The following KYNU variants were observed in gnomAD, a reference collection of about 807,000 sequenced individuals.
KYNU encodes kynureninase.
In KYNU, 54 loss-of-function variants were observed where a neutral mutation model predicts 59.2. That is an observed-to-expected ratio of 0.91 (90% CI 0.73 to 1.14). The LOEUF (loss-of-function observed/expected upper bound fraction) is 1.14, where lower values mean the gene tolerates loss of function less well. KYNU is among the 50% of genes most tolerant of loss of function. The pLI is 0.00. For synonymous variants in KYNU, 177 were observed against 192.0 expected (o/e 0.92, Z 0.65); for missense variants, 567 against 554.4 (o/e 1.02, Z -0.23).
At chr2:143,002,681 T>G (rs1573888793) in intron 10 of KYNU, among the ~76,000 whole-genome samples, 1 of 152,242 alleles carries the variant, frequency 6.6e-6, no homozygotes, top group Non-Finnish European at 1.5e-5. Context: ...GATTTTTGTT[T>G]TGATCCCATT....
In KYNU at chr2:142,937,522, C is replaced by T. The variant is rs934615628; in HGVS notation, c.373+9781C>T. On this transcript the variant is annotated intron_variant, in intron 4 of 13. Transcript: ENST00000264170. Reference sequence around the variant, plus strand: ...AAATCATGAGCCAAACTAAATTTAACGGAGTTTAATTGAGCAAAGAACAAA... The same window carrying T: ...AAATCATGAGCCAAACTAAATTTAATGGAGTTTAATTGAGCAAAGAACAAA... Among the ~76,000 whole-genome samples, 106 of 152,150 alleles carry T rather than the reference C, an allele frequency of 7.0e-4. 2 individuals are homozygous for T. Among genetic ancestry groups the T allele is most frequent in the Admixed American group, 1.3e-3 (20 of 15,282 alleles).
At chr2:142,992,966 G>C (rs1223494716) in intron 10 of KYNU, among the ~76,000 whole-genome samples, 2 of 151,984 alleles carry the variant, frequency 1.3e-5, no homozygotes, top group Admixed American at 1.3e-4. Context: ...TTAATTACTG[G>C]GTGAATTCTC....
chr2:142,996,277 T>C (rs913468731), intron 10 of KYNU, among the ~76,000 whole-genome samples: 3 of 152,104 alleles, frequency 2.0e-5, no homozygotes, highest in African/African-American at 7.2e-5. Flanking sequence ...GATAGATGAA[T>C]AGAGCTTGGA....
intron 2 of KYNU, among the ~76,000 whole-genome samples, chr2:142,896,739 G>C (rs999649325): frequency 9.2e-5 from 14 of 152,008 alleles, no homozygotes; most frequent in African/African-American, 3.4e-4. Flanking sequence ...CTCCCACTTT[G>C]ACCTCCCAAG....
intron 10 of KYNU, among the ~76,000 whole-genome samples, chr2:142,994,940 C>T (rs1166706292): frequency 6.6e-6 from 1 of 151,970 alleles, no homozygotes; most frequent in East Asian, 1.9e-4. Flanking sequence ...CTATGAAGAC[C>T]AAATATATCC....
chr2:142,907,624 G>C (rs1055283524), intron 2 of KYNU, among the ~76,000 whole-genome samples: 2 of 152,188 alleles, frequency 1.3e-5, no homozygotes, highest in South Asian at 2.1e-4. Context: ...CAATGGGAGG[G>C]GACCCAAAGG....
intron 10 of KYNU, among the ~76,000 whole-genome samples, chr2:143,014,734 A>C (rs991299034): frequency 6.6e-6 from 1 of 152,252 alleles, no homozygotes; most frequent in African/African-American, 2.4e-5. Flanking sequence ...TTCTTAATAC[A>C]TTTAAAGTTT....
At chr2:142,907,053 G>A (rs746700720) in intron 2 of KYNU, among the ~76,000 whole-genome samples, 2 of 152,154 alleles carry the variant, frequency 1.3e-5, no homozygotes, top group Non-Finnish European at 2.9e-5. Context: ...TAAGGTAGAG[G>A]ACAGAATAGC....
chr2:142,929,612 C>T (rs951534329), intron 4 of KYNU, among the ~76,000 whole-genome samples: 1 of 152,156 alleles, frequency 6.6e-6, no homozygotes, highest in Non-Finnish European at 1.5e-5. Context: ...CATCAATCTA[C>T]ACATGTGAAG....
chr2:142,921,119 GT>G (rs1432825650), intron 3 of KYNU, among the ~76,000 whole-genome samples: 5 of 152,300 alleles, frequency 3.3e-5, no homozygotes, highest in African/African-American at 1.2e-4. Context: ...ACAAGGGGTA[GT>G]TTGATGAACA....
intron 3 of KYNU, among the ~76,000 whole-genome samples, chr2:142,927,035 T>C (rs1004103166): frequency 1.3e-5 from 2 of 152,334 alleles, no homozygotes; most frequent in African/African-American, 4.8e-5. Flanking sequence ...GTTGAAGTAC[T>C]CTATGTATTT....
chr2:143,045,459 T>A lies in KYNU; in HGVS notation c.*3287T>A, dbSNP rs1468254329. Reference sequence around the variant, plus strand: ...TTTCAGGATATTGATTCTTCCTATCTATGAGCATGGAATGTTTTTCCATTT... The same window carrying A: ...TTTCAGGATATTGATTCTTCCTATCAATGAGCATGGAATGTTTTTCCATTT... On this transcript the variant is annotated 3_prime_UTR_variant, in exon 14 of 14. Coordinates refer to ENST00000264170, the MANE Select transcript of KYNU (RefSeq NM_003937.3). 6.6e-6 allele frequency: 1 copy of A among 152,094 alleles called. No homozygotes were observed. Among genetic ancestry groups the A allele is most frequent in the Non-Finnish European group, 1.5e-5 (1 of 67,978 alleles). The allele number at this position is 152,094 out of a possible 1,614,324, so 9.4% of individuals were successfully genotyped here.
chr2:143,042,288 A>G lies in KYNU; in HGVS notation c.*116A>G. 1.0e-6 allele frequency: 1 copy of G among 993,554 alleles called. No individual in the cohort carries two copies. Among genetic ancestry groups the G allele is most frequent in the Non-Finnish European group, 1.5e-6 (1 of 654,240 alleles). The allele number at this position is 993,554 out of a possible 1,614,324, so 61.5% of individuals were successfully genotyped here. Reference sequence around the variant, plus strand: ...CACCATTGACCACATGTAACTAACAATAAATAATATACCTTACAGAAAATC... The same window carrying G: ...CACCATTGACCACATGTAACTAACAGTAAATAATATACCTTACAGAAAATC... On this transcript the variant is annotated 3_prime_UTR_variant, in exon 14 of 14. Coordinates refer to ENST00000264170, the MANE Select transcript of KYNU (RefSeq NM_003937.3).
intron 8 of KYNU, among the ~76,000 whole-genome samples, chr2:142,980,657 G>C (rs911921717): frequency 6.6e-6 from 1 of 152,082 alleles, no homozygotes; most frequent in Non-Finnish European, 1.5e-5. Context: ...ATGATTGCAA[G>C]TTTTGGATTG....
At position 142,955,932 on chromosome 2, in the gene KYNU, T is replaced by C. The variant is rs1684147006; in HGVS notation, c.436-271T>C. Among the ~76,000 whole-genome samples the C allele has an allele frequency of 3.3e-5, 5 of 152,146 alleles. No homozygotes were observed. The South Asian group carries it at 1.0e-3, about 32-fold the overall frequency. ...AGACTTTAAGTTTCATCAATTAATA[T>C]ATAAGTAAAGTTTGAGGATTCGTTA... On this transcript the variant is annotated intron_variant, in intron 5 of 13. Transcript: ENST00000264170.
At chr2:142,954,935 C>T in intron 5 of KYNU, 64 bp downstream of exon 5, 1 of 1,051,290 alleles carries the variant, frequency 9.5e-7, no homozygotes, top group Middle Eastern at 2.2e-4. Flanking sequence ...GTTTTTCTAT[C>T]TTTAATTCAT....
chr2:143,041,051 G>A lies in KYNU; in HGVS notation c.1272+393G>A, dbSNP rs548413086. On this transcript the variant is annotated intron_variant, in intron 13 of 13. Transcript: ENST00000264170. ...ATTTATTGAAGGGTTAAAAAAGAAA[G>A]TCTTATTTAGTCGCTTGATCAAATT... is the stretch of plus-strand genomic sequence containing the variant. Among the ~76,000 whole-genome samples the A allele has an allele frequency of 7.9e-5, 12 of 152,092 alleles. 1 individual carries two copies. The highest frequency in any genetic ancestry group is 5.9e-4 in the Admixed American group (9 of 15,238).
Position 143,051,529 on chromosome 2 carries a change from T to C in KYNU, c.*9357T>C, listed in dbSNP as rs1443873774. 6.6e-6 allele frequency: 1 copy of C among 152,146 alleles called. No individual in the cohort carries two copies. The highest frequency in any genetic ancestry group is 1.5e-5 in the Non-Finnish European group (1 of 68,022). The allele number at this position is 152,146 out of a possible 1,614,324, so 9.4% of individuals were successfully genotyped here. On this transcript the variant is annotated 3_prime_UTR_variant, in exon 14 of 14. Transcript: ENST00000264170. ...AAGATGTTTTATTTAACTTGTTTGA[T>C]TTTGTAGTTTTATCTTTGTGGGAAG...
At chr2:142,938,670 A>G (rs1683474203) in intron 4 of KYNU, among the ~76,000 whole-genome samples, 1 of 152,208 alleles carries the variant, frequency 6.6e-6, no homozygotes, top group Non-Finnish European at 1.5e-5. Context: ...ACTTGATTCA[A>G]CAACACTCAT....
Sources: allele counts gnomAD v4.1 joint callset (sites outside exome capture counted in the v4.1 genomes callset), GRCh38; gene constraint gnomAD v4.1.1; transcripts MANE v1.5; gene names NCBI Gene and HGNC (gene_info 2026-07-23, HGNC 2026-07-21).